PRKG1: variants seen among roughly 807,000 people sequenced by gnomAD.
The protein encoded by PRKG1 is protein kinase cGMP-dependent 1, also known as cGMP-dependent protein kinase 1.
In PRKG1, 35 loss-of-function variants were observed where a neutral mutation model predicts 88.1. That is an observed-to-expected ratio of 0.40 (90% CI 0.30 to 0.53). The LOEUF (loss-of-function observed/expected upper bound fraction) is 0.53. Ranked by LOEUF, PRKG1 falls within the 20% of genes least tolerant of loss-of-function variation. PRKG1 has a pLI of 0.59. For synonymous variants in PRKG1, 303 were observed against 292.5 expected, an observed-to-expected ratio of 1.04 and a Z score of -0.37; for missense variants, 540 against 839.8, an observed-to-expected ratio of 0.64 and a Z score of 4.41.
intron 2 of PRKG1, among the ~76,000 whole-genome samples, chr10:51,431,074 G>A (rs1436014770): frequency 1.3e-5 from 2 of 152,114 alleles, no homozygotes; most frequent in African/African-American, 2.4e-5. Flanking sequence ...TTTATTGTAT[G>A]TAAAATTAGA....
At chr10:51,299,638 A>T (rs1442565019) in intron 2 of PRKG1, 2 of 464,108 alleles carry the variant, frequency 4.3e-6, no homozygotes, top group South Asian at 1.6e-5. Context: ...GCACTATGAG[A>T]TTTAGAATCA....
intron 3 of PRKG1, among the ~76,000 whole-genome samples, chr10:51,529,613 T>C (rs1252015419): frequency 2.0e-5 from 3 of 152,104 alleles, no homozygotes; most frequent in African/African-American, 7.2e-5. Flanking sequence ...CACTTAGCAC[T>C]CAGGTTTCTG....
intron 4 of PRKG1, among the ~76,000 whole-genome samples, chr10:51,895,380 A>G (rs960272880): frequency 6.6e-6 from 1 of 152,148 alleles, no homozygotes; most frequent in African/African-American, 2.4e-5. Flanking sequence ...CTGGAGTAAG[A>G]ATCAGGACCT....
At chr10:51,811,122 C>T (rs1839445723) in intron 4 of PRKG1, among the ~76,000 whole-genome samples, 1 of 152,118 alleles carries the variant, frequency 6.6e-6, no homozygotes, top group South Asian at 2.1e-4. Context: ...GAATCTCTAG[C>T]CTGAGTATTA....
At chr10:51,224,822 A>G (rs1025983683) in intron 2 of PRKG1, among the ~76,000 whole-genome samples, 2 of 152,180 alleles carry the variant, frequency 1.3e-5, no homozygotes, top group Non-Finnish European at 2.9e-5. Context: ...AGAGGACCAC[A>G]TATGGTTGAA....
chr10:51,401,604 G>GTTTT (rs1215789580), intron 2 of PRKG1, among the ~76,000 whole-genome samples: 2 of 152,068 alleles, frequency 1.3e-5, no homozygotes, highest in African/African-American at 4.8e-5. Flanking sequence ...AAGTTTGTTT[G>GTTTT]TTTGTTTTTA....
At chr10:51,232,919 C>T (rs901539655) in intron 2 of PRKG1, among the ~76,000 whole-genome samples, 5 of 152,122 alleles carry the variant, frequency 3.3e-5, no homozygotes, top group African/African-American at 1.2e-4. Context: ...CAAAAGGGAG[C>T]TAACCTATTC....
chr10:51,153,126 G>T (rs1178690216), intron 1 of PRKG1, 38 bp from the exon 2 acceptor site: 19 of 1,594,074 alleles, frequency 1.2e-5, no homozygotes, highest in Non-Finnish European at 1.6e-5. Flanking sequence ...GAAAGAGCTT[G>T]TCAGATGTGC....
intron 1 of PRKG1, among the ~76,000 whole-genome samples, chr10:51,122,089 C>T (rs1006883009): frequency 3.3e-5 from 5 of 152,144 alleles, no homozygotes; most frequent in African/African-American, 9.7e-5. Context: ...ACCTTAGGAA[C>T]ATCTGTTGCC....
intron 3 of PRKG1, among the ~76,000 whole-genome samples, chr10:51,636,209 A>G (rs988985591): frequency 2.0e-5 from 3 of 152,170 alleles, no homozygotes; most frequent in Non-Finnish European, 2.9e-5. Context: ...TTCTTGACTT[A>G]TGAATATATT....
chr10:51,656,095 A>T (rs1840154230), intron 3 of PRKG1, among the ~76,000 whole-genome samples: 2 of 152,184 alleles, frequency 1.3e-5, no homozygotes, highest in Non-Finnish European at 2.9e-5. Flanking sequence ...AACAGCTATC[A>T]TATTCACTTC....
At chr10:51,324,685 G>T (rs965384949) in intron 2 of PRKG1, among the ~76,000 whole-genome samples, 1 of 152,090 alleles carries the variant, frequency 6.6e-6, no homozygotes, top group Non-Finnish European at 1.5e-5. Context: ...AGCTTGCAGT[G>T]AGCCGAGATC....
intron 3 of PRKG1, among the ~76,000 whole-genome samples, chr10:51,701,816 C>G (rs1841476033): frequency 6.6e-6 from 1 of 151,654 alleles, no homozygotes; most frequent in Non-Finnish European, 1.5e-5. Context: ...GACAGAGTTT[C>G]TTTACTGCTG....
intron 3 of PRKG1, among the ~76,000 whole-genome samples, chr10:51,654,246 G>A (rs903303656): frequency 2.6e-5 from 4 of 152,020 alleles, no homozygotes; most frequent in Non-Finnish European, 5.9e-5. Context: ...TCTGCTTCTG[G>A]ATATTCAATT....
chr10:51,701,483 A>G (rs1039315955), intron 3 of PRKG1, among the ~76,000 whole-genome samples: 3 of 152,192 alleles, frequency 2.0e-5, no homozygotes, highest in Non-Finnish European at 4.4e-5. Flanking sequence ...CATTTACATC[A>G]CCTAATAAGA....
chr10:51,304,109 C>T (rs531773777), intron 2 of PRKG1, among the ~76,000 whole-genome samples: 2 of 152,120 alleles, frequency 1.3e-5, no homozygotes, highest in African/African-American at 2.4e-5. Flanking sequence ...CATGAGCCAC[C>T]GTGCCCGGAC....
intron 5 of PRKG1, among the ~76,000 whole-genome samples, chr10:52,019,648 A>G (rs1175080200): frequency 1.3e-5 from 2 of 152,198 alleles, no homozygotes; most frequent in Non-Finnish European, 2.9e-5. Flanking sequence ...ATTTATAAAG[A>G]AGGCAAATTC....
intron 3 of PRKG1, among the ~76,000 whole-genome samples, chr10:51,670,750 A>C (rs898114007): frequency 5.5e-5 from 4 of 72,320 alleles, no homozygotes; most frequent in Non-Finnish European, 1.3e-4. Context: ...AAAAATAAAT[A>C]AATAAATAAA....
chr10:51,250,946 G>A (rs2132140865), intron 2 of PRKG1, among the ~76,000 whole-genome samples: 1 of 151,828 alleles, frequency 6.6e-6, no homozygotes, highest in Middle Eastern at 3.4e-3. Flanking sequence ...GGAGAATACA[G>A]AACTAGAGCT....
Sources: gnomAD v4.1 joint callset for allele counts (sites outside exome capture counted in the v4.1 genomes callset) on GRCh38, gnomAD v4.1.1 for gene constraint, MANE v1.5 for transcripts, NCBI Gene and HGNC (gene_info 2026-07-23, HGNC 2026-07-21) for gene names.